FREM1: variants seen among roughly 807,000 people sequenced by gnomAD.
The protein encoded by FREM1 is FRAS1 related extracellular matrix 1.
Under a neutral mutation model 210.1 loss-of-function variants are expected in FREM1, and 220 were observed. That is an observed-to-expected ratio of 1.05 (90% CI 0.94 to 1.17). The LOEUF is 1.17. Among genes scored for constraint, FREM1 ranks in the 50% most tolerant of loss-of-function variants. The pLI is 0.00. For synonymous variants in FREM1, 1,189 were observed against 980.2 expected, an observed-to-expected ratio of 1.21 and a Z score of -3.98; for missense variants, 3,454 against 2,675.5, an observed-to-expected ratio of 1.29 and a Z score of -6.42.
Position 14,746,447 on chromosome 9 carries a change from G to C in FREM1, c.6160C>G (p.Pro2054Ala). The C allele has an allele frequency of 6.2e-7, 1 of 1,613,566 alleles. No individual in the cohort carries two copies. Among genetic ancestry groups the C allele is most frequent in the Non-Finnish European group, 8.5e-7 (1 of 1,179,548 alleles). The change falls in exon 35 of 37, where the codon CCA becomes GCA. Residue 2054 changes from proline (P) to alanine (A), a missense_variant. Pro to Ala is a conservative substitution (Grantham distance 27, BLOSUM62 -1). Coordinates refer to ENST00000380880, the MANE Select transcript of FREM1 (RefSeq NM_001379081.2). ...CCTGAGTGCTGGTGCCACCCGGCTG[G>C]ACAGGATTTGTCTTCCACATCCTGA... ...QTKDVEDKSC[P>A]AGWHQHSGYC...
chr9:14,790,173 A>C (rs1305598316), intron 22 of FREM1, among the ~76,000 whole-genome samples: 1 of 152,152 alleles, frequency 6.6e-6, no homozygotes, highest in Non-Finnish European at 1.5e-5. Flanking sequence ...CTGACCTTTC[A>C]TCTTTTAAGT....
Position 14,848,731 on chromosome 9 carries a change from G to T in FREM1, c.1195C>A (p.Pro399Thr). Residue 399 changes from proline to threonine, a missense_variant, in exon 7 of 37, where the codon CCT (proline) becomes ACT (threonine). Physicochemically the swap from Pro to Thr is conservative, Grantham distance 38 (BLOSUM62 -1). Coordinates refer to ENST00000380880, the MANE Select transcript of FREM1 (RefSeq NM_001379081.2). ...CTGATGGAGATGTGGACTGTCATAG[G>T]TGCACTCCTTTCAAAGAAGAAGTCG... ...VYDFFFERSA[P>T]MTVHISIRTA... 1 of 1,613,094 alleles carries T rather than the reference G, an allele frequency of 6.2e-7. No homozygotes were observed. The highest frequency in any genetic ancestry group is 8.5e-7 in the Non-Finnish European group (1 of 1,179,214).
At position 14,747,353 on chromosome 9, in the gene FREM1, T is replaced by C; in HGVS notation, c.5920A>G (p.Ile1974Val). The C allele has an allele frequency of 6.2e-7, 1 of 1,613,810 alleles. No individual in the cohort carries two copies. Among genetic ancestry groups the C allele is most frequent in the South Asian group, 1.1e-5 (1 of 91,068 alleles). Reference sequence around the variant, plus strand: ...TTGATTGTCTTTTGTGGCTGACTAATGATGGATACTTTGGCCTTCCTTTTG... The same window carrying C: ...TTGATTGTCTTTTGTGGCTGACTAACGATGGATACTTTGGCCTTCCTTTTG... ...THKRKAKVSI[I>V]SQPQKTIKVA... The change falls in exon 33 of 37, where the codon ATT becomes GTT. Residue 1974 changes from isoleucine (I) to valine (V), a missense_variant. Coordinates refer to ENST00000380880, the MANE Select transcript of FREM1 (RefSeq NM_001379081.2).
At chr9:14,775,212 T>C (rs1350820200) in intron 25 of FREM1, among the ~76,000 whole-genome samples, 2 of 152,168 alleles carry the variant, frequency 1.3e-5, no homozygotes, top group African/African-American at 2.4e-5. Context: ...AGACGGCTAA[T>C]ACATTGCAAA....
chr9:14,833,370 C>G (rs1318267121), intron 10 of FREM1, among the ~76,000 whole-genome samples: 1 of 152,144 alleles, frequency 6.6e-6, no homozygotes, highest in Non-Finnish European at 1.5e-5. Context: ...TAGACTACAG[C>G]CTATAAACCA....
chr9:14,823,421 G>C, intron 12 of FREM1, 94 bp from the exon 13 acceptor site: 2 of 1,116,716 alleles, frequency 1.8e-6, no homozygotes, highest in Non-Finnish European at 2.6e-6. Context: ...AATTGATATT[G>C]AACACTGTAA....
chr9:14,762,022 A>C (rs1246490001), intron 27 of FREM1, among the ~76,000 whole-genome samples: 1 of 152,220 alleles, frequency 6.6e-6, no homozygotes, highest in African/African-American at 2.4e-5. Context: ...CATAGGGTTC[A>C]ATACTATTTG....
At chr9:14,798,894 G>A (rs1031069245) in intron 20 of FREM1, among the ~76,000 whole-genome samples, 2 of 151,850 alleles carry the variant, frequency 1.3e-5, no homozygotes, top group Admixed American at 6.6e-5. Context: ...GGCTGGTCTC[G>A]AACTCCTGAC....
At chr9:14,780,884 A>G (rs1849554302) in intron 24 of FREM1, among the ~76,000 whole-genome samples, 1 of 152,232 alleles carries the variant, frequency 6.6e-6, no homozygotes, top group South Asian at 2.1e-4. Context: ...GCGCCACTTG[A>G]CAAACAACAT....
intron 18 of FREM1, among the ~76,000 whole-genome samples, 188 bp from the exon 19 acceptor site, chr9:14,805,340 C>G (rs1182088041): frequency 6.6e-6 from 1 of 152,330 alleles, no homozygotes; most frequent in Non-Finnish European, 1.5e-5. Flanking sequence ...CAGATATCCA[C>G]AGATCATACA....
chr9:14,852,679 G>C (rs942361116), intron 5 of FREM1, among the ~76,000 whole-genome samples: 3 of 152,174 alleles, frequency 2.0e-5, no homozygotes, highest in Non-Finnish European at 4.4e-5. Flanking sequence ...GGGCAAGAGA[G>C]TGAGACTTTG....
chr9:14,874,029 G>C (rs1193281422), intron 1 of FREM1, among the ~76,000 whole-genome samples: 1 of 152,134 alleles, frequency 6.6e-6, no homozygotes, highest in Non-Finnish European at 1.5e-5. Context: ...TGTGGTCTGA[G>C]GGACAGTTTG....
rs200642807 is a variant in FREM1 at position 14,842,562 on chromosome 9, G to C, written c.1492C>G (p.Arg498Gly). ...SDSTKDFVVF[R>G]IFDGHHSIRH... is the part of the protein sequence containing the mutation. Reference sequence around the variant, plus strand: ...ATGCTGTGATGGCCATCAAATATCCGGAAGACCACGAAGTCTTTGGTGGAG... The same window carrying C: ...ATGCTGTGATGGCCATCAAATATCCCGAAGACCACGAAGTCTTTGGTGGAG... The change falls in exon 9 of 37, where the codon CGG (arginine) becomes GGG (glycine). Residue 498 changes from arginine (R) to glycine (G), a missense_variant. Transcript: ENST00000380880. 1 of 1,613,940 alleles carries C rather than the reference G, an allele frequency of 6.2e-7. No individual in the cohort carries two copies. The highest frequency in any genetic ancestry group is 8.5e-7 in the Non-Finnish European group (1 of 1,179,852).
intron 35 of FREM1, among the ~76,000 whole-genome samples, chr9:14,742,166 T>A (rs189025312): frequency 6.6e-5 from 10 of 152,300 alleles, no homozygotes; most frequent in Admixed American, 6.5e-4. Flanking sequence ...AAATTATAAA[T>A]AGGTACACAT....
chr9:14,753,760 G>C (rs956857538), intron 29 of FREM1, among the ~76,000 whole-genome samples: 2 of 152,190 alleles, frequency 1.3e-5, no homozygotes, highest in African/African-American at 4.8e-5. Flanking sequence ...ATATTTACTG[G>C]ACCTGTGGAC....
chr9:14,838,929 C>G (rs1825135904), intron 10 of FREM1, among the ~76,000 whole-genome samples: 1 of 152,122 alleles, frequency 6.6e-6, no homozygotes, highest in African/African-American at 2.4e-5. Flanking sequence ...CTTGGAACAG[C>G]TGATGTTAGA....
chr9:14,803,311 T>C (rs9775190), intron 19 of FREM1, among the ~76,000 whole-genome samples: 5,936 of 110,824 alleles, frequency 0.054, 163 homozygotes, highest in Non-Finnish European at 0.063. Context: ...TCTCTCTTTT[T>C]CTTTTCCCCT....
At chr9:14,775,432 G>A (rs924364908) in intron 25 of FREM1, among the ~76,000 whole-genome samples, 4 of 152,202 alleles carry the variant, frequency 2.6e-5, no homozygotes, top group Admixed American at 1.3e-4. Flanking sequence ...TTGGCCAGGC[G>A]TGATAGCTCA....
chr9:14,823,275 C>A lies in FREM1; in HGVS notation c.2222G>T (p.Gly741Val). The change falls in exon 13 of 37, where the codon GGT (glycine) becomes GTT (valine). Residue 741 changes from glycine (G) to valine (V), a missense_variant. By Grantham distance (109) the Gly-to-Val change is moderately radical (BLOSUM62 -3). Coordinates refer to ENST00000380880, the MANE Select transcript of FREM1 (RefSeq NM_001379081.2). ...GAACTGGACATCTCTGCAATGGGGA[C>A]CAATGTCTTGCATGGGGGGCATGTA... Reference protein sequence around the residue: ...VAYMPPMQDIGPHCRDVQFTF... With the variant: ...VAYMPPMQDIVPHCRDVQFTF... 1 of 1,613,920 alleles carries A rather than the reference C, an allele frequency of 6.2e-7. No homozygotes were observed. Among genetic ancestry groups the A allele is most frequent in the South Asian group, 1.1e-5 (1 of 91,072 alleles).
Sources: allele counts gnomAD v4.1 joint callset (sites outside exome capture counted in the v4.1 genomes callset), GRCh38; gene constraint gnomAD v4.1.1; transcripts MANE v1.5; gene names NCBI Gene and HGNC (gene_info 2026-07-23, HGNC 2026-07-21).